MTA3: variants seen among roughly 807,000 people sequenced by gnomAD.
MTA3 encodes the protein metastasis associated 1 family member 3, also known as metastasis-associated protein MTA3.
In MTA3, 34 loss-of-function variants were observed where a neutral mutation model predicts 83.5. The observed-to-expected ratio is 0.41, with a 90% confidence interval of 0.31 to 0.54. The LOEUF is 0.54. Ranked by LOEUF, MTA3 falls within the 20% of genes least tolerant of loss-of-function variation. The pLI, the probability that MTA3 is intolerant of heterozygous loss-of-function variation, is 0.33. For missense variants in MTA3, 761 were observed against 726.4 expected (o/e 1.05, Z -0.55); for synonymous variants, 303 against 252.7 (o/e 1.20, Z -1.89).
chr2:42,514,858 G>A (rs7565139), intron 2 of MTA3, among the ~76,000 whole-genome samples: 67,323 of 148,970 alleles, frequency 0.45, 15,566 homozygotes, highest in Middle Eastern at 0.55. Flanking sequence ...TGGTTAATTT[G>A]TTTTTATTTT....
intron 3 of MTA3, among the ~76,000 whole-genome samples, chr2:42,594,729 T>TATATATATATA (rs1491154379): frequency 6.8e-4 from 13 of 19,130 alleles, no homozygotes; most frequent in Admixed American, 1.6e-3. Context: ...TATATATATA[T>TATATATATATA]TTTTTTTTTT....
chr2:42,528,519 C>T (rs1306046216), intron 2 of MTA3, among the ~76,000 whole-genome samples: 2 of 152,216 alleles, frequency 1.3e-5, no homozygotes, highest in East Asian at 1.9e-4. Context: ...CGCGCCTGGA[C>T]GGTCTCATAA....
chr2:42,729,055 A>G (rs1668026689), intron 16 of MTA3, among the ~76,000 whole-genome samples: 1 of 98,246 alleles, frequency 1.0e-5, no homozygotes, highest in African/African-American at 3.9e-5. Context: ...AAGTTTCTCC[A>G]GTGTTTTCTT....
chr2:42,518,135 C>T (rs967183767), intron 2 of MTA3, among the ~76,000 whole-genome samples: 17 of 151,376 alleles, frequency 1.1e-4, no homozygotes, highest in African/African-American at 3.7e-4. Context: ...GAGCCGAGAT[C>T]GCACCATTGC....
intron 3 of MTA3, among the ~76,000 whole-genome samples, chr2:42,590,520 A>G (rs537571453): frequency 4.6e-5 from 7 of 151,424 alleles, no homozygotes; most frequent in Non-Finnish European, 8.8e-5. Context: ...AGCCAAATAA[A>G]CCTTTTTGCT....
At chr2:42,723,177 T>A (rs993414264) in intron 16 of MTA3, 142 bp downstream of exon 16, 2 of 1,008,908 alleles carry the variant, frequency 2.0e-6, no homozygotes, top group African/African-American at 1.6e-5. Flanking sequence ...TAAGGGGGAA[T>A]ACAGCCATAT....
Position 42,502,666 on chromosome 2 carries a change from G to A in MTA3, c.-141+7412G>A, listed in dbSNP as rs144673511. 1.7e-4 allele frequency among the ~76,000 whole-genome samples: 26 copies of A among 151,962 alleles called. No individual in the cohort carries two copies. In the East Asian group the frequency reaches 3.1e-3, roughly 18 times the overall value. ...ATACAAAATTAGCCGGTGTAGTGGC[G>A]CATGCCTGTAATCCCAGTCACTCAG... On this transcript the variant is annotated intron_variant, in intron 2 of 17. Coordinates refer to the MTA3 transcript ENST00000405592.
chr2:42,753,791 C>T lies in MTA3; in HGVS notation c.*392C>T, dbSNP rs1324453513. The T allele has an allele frequency of 3.7e-6, 4 of 1,068,674 alleles. No homozygotes were observed. Among genetic ancestry groups the T allele is most frequent in the Admixed American group, 5.0e-5 (1 of 19,932 alleles). 66.2% of individuals were successfully genotyped at this position (1,068,674 alleles called of 1,614,324 possible). A position where few individuals can be genotyped will look rare whatever the true frequency, so the allele number is the denominator to read the frequency against. On this transcript the variant is annotated 3_prime_UTR_variant, in exon 17 of 17. Transcript: ENST00000405094. ...CCACCCTGCATGTGTCCGCTCAGCT[C>T]GGTCTTATGCTGTATAGTTACTAAA...
intron 2 of MTA3, among the ~76,000 whole-genome samples, chr2:42,509,426 C>G (rs1195115175): frequency 6.6e-6 from 1 of 152,130 alleles, no homozygotes; most frequent in Non-Finnish European, 1.5e-5. Context: ...TCAGTTCACA[C>G]CAATACTCCC....
chr2:42,605,188 A>C (rs1422726415), intron 3 of MTA3, among the ~76,000 whole-genome samples: 7 of 141,764 alleles, frequency 4.9e-5, no homozygotes, highest in Middle Eastern at 3.7e-3. Context: ...CACCTCCCGG[A>C]CGGGGCGGCT....
At chr2:42,656,547 T>C (rs527409678) in intron 7 of MTA3, among the ~76,000 whole-genome samples, 50 of 152,216 alleles carry the variant, frequency 3.3e-4, no homozygotes, top group Non-Finnish European at 5.4e-4. Context: ...AGAAATTCTT[T>C]ATACCTGAAG....
chr2:42,614,616 T>C (rs761328641), intron 4 of MTA3, among the ~76,000 whole-genome samples: 4 of 152,100 alleles, frequency 2.6e-5, no homozygotes, highest in African/African-American at 9.7e-5. Context: ...GTTGTACTCA[T>C]TATATTAATA....
intron 3 of MTA3, among the ~76,000 whole-genome samples, chr2:42,583,695 AT>A (rs1156652570): frequency 1.3e-5 from 2 of 151,632 alleles, no homozygotes; most frequent in Non-Finnish European, 1.5e-5. Context: ...TGCCTGGCTA[AT>A]TTTTGTATTT....
rs35633597 is a variant in MTA3, at chr2:42,664,466, C to CTTTTTTTTTTTTTTTTTTT, written c.702+4614_702+4632dup. Among the ~76,000 whole-genome samples, 65 of 85,758 alleles carry CTTTTTTTTTTTTTTTTTTT rather than the reference C, an allele frequency of 7.6e-4. 30 individuals carry two copies. Among genetic ancestry groups the CTTTTTTTTTTTTTTTTTTT allele is most frequent in the African/African-American group, 1.7e-3 (35 of 21,052 alleles). 56.3% of individuals were successfully genotyped at this position (85,758 alleles called of 152,430 possible). A position where few individuals can be genotyped will look rare whatever the true frequency, so the allele number is the denominator to read the frequency against. ...CCTACTACCCCCTCACCCCGCTTAC[C>CTTTTTTTTTTTTTTTTTTT]TTTTTTTTTTTTTTTTTTTTTTTTT... On this transcript the variant is annotated intron_variant, in intron 8 of 16. Coordinates refer to ENST00000405094, the MANE Select transcript of MTA3 (RefSeq NM_001330442.2).
At position 42,558,242 on chromosome 2, in the gene MTA3, T is replaced by TA. The variant is rs1378808183; in HGVS notation, c.-140-12195_-140-12194insA. On this transcript the variant is annotated intron_variant, in intron 2 of 17. Transcript: ENST00000405592. Reference sequence around the variant, plus strand: ...CACTGTGGAATCACCTGAGGACTTTTTTTTTTTTTTTTTTTTGAGTTGGAG... The same window carrying TA: ...CACTGTGGAATCACCTGAGGACTTTTATTTTTTTTTTTTTTTTGAGTTGGAG... Among the ~76,000 whole-genome samples the TA allele has an allele frequency of 4.7e-5, 7 of 149,904 alleles. No homozygotes were observed. In the East Asian group the frequency reaches 1.4e-3, roughly 29 times the overall value.
At position 42,576,593 on chromosome 2, in the gene MTA3, C is replaced by T. The variant is rs571374431; in HGVS notation, c.97-2514C>T. ...CAGCCTGTGCAACATAATAAGACCC[C>T]CCATCTCTGAAAAAAACCAAAACAA... On this transcript the variant is annotated intron_variant, in intron 2 of 16. Coordinates refer to ENST00000405094, the MANE Select transcript of MTA3 (RefSeq NM_001330442.2). Among the ~76,000 whole-genome samples the T allele has an allele frequency of 2.0e-5, 3 of 151,000 alleles. No homozygotes were observed. In the South Asian group the frequency reaches 6.3e-4, roughly 32 times the overall value.
chr2:42,667,631 G>A (rs1317057137), intron 8 of MTA3, among the ~76,000 whole-genome samples: 1 of 116,790 alleles, frequency 8.6e-6, no homozygotes, highest in East Asian at 2.5e-4. Context: ...AAGAGAGAGA[G>A]AGAGAGAGAG....
chr2:42,501,550 A>C (rs1674395560), intron 2 of MTA3, among the ~76,000 whole-genome samples: 1 of 152,192 alleles, frequency 6.6e-6, no homozygotes, highest in African/African-American at 2.4e-5. Context: ...GGTAACATTA[A>C]AGTTACCTAA....
At chr2:42,582,881 A>T (rs376218081) in intron 3 of MTA3, among the ~76,000 whole-genome samples, 2 of 152,028 alleles carry the variant, frequency 1.3e-5, no homozygotes, top group South Asian at 2.1e-4. Context: ...TTTTTCTTTC[A>T]TTTTTTTCCC....
Sources: gnomAD v4.1 joint callset for allele counts (sites outside exome capture counted in the v4.1 genomes callset) on GRCh38, gnomAD v4.1.1 for gene constraint, MANE v1.5 for transcripts, NCBI Gene and HGNC (gene_info 2026-07-23, HGNC 2026-07-21) for gene names.